Variants in HHLA2 observed in about 807,000 individuals in gnomAD.
HHLA2 encodes HERV-H LTR-associating protein 2.
A neutral mutation model predicts 45.9 loss-of-function variants in HHLA2; 48 were observed. That is an observed-to-expected ratio of 1.05 (90% confidence interval 0.83 to 1.33). The LOEUF is 1.33. Ranked by LOEUF, HHLA2 falls within the 40% of genes most tolerant of loss-of-function variation. The pLI is 0.00. For missense variants in HHLA2, 462 were observed against 494.3 expected (o/e 0.93, Z 0.62); for synonymous variants, 161 against 173.9 (o/e 0.93, Z 0.59).
In HHLA2 at chr3:108,319,400, T is replaced by C. The variant is rs78472174; in HGVS notation, c.-105+8659T>C. On this transcript the variant is annotated intron_variant, in intron 2 of 10. Transcript: ENST00000619531. ...CTTTTCAAGTGTTAGAACTTTATTA[T>C]GATCTTAAGCTTCTTCTTGCCTTCT... is the stretch of plus-strand genomic sequence containing the variant. 2.3e-3 allele frequency among the ~76,000 whole-genome samples: 344 copies of C among 152,350 alleles called. 2 individuals are homozygous for C. Among genetic ancestry groups the C allele is most frequent in the African/African-American group, 8.0e-3 (331 of 41,574 alleles).
At chr3:108,351,737 C>A in intron 3 of HHLA2, 51 bp from the exon 3 acceptor site, 1 of 1,131,252 alleles carries the variant, frequency 8.8e-7, no homozygotes, top group Non-Finnish European at 1.3e-6. Context: ...TTTTCCAATT[C>A]CCTTTTGCAT....
At chr3:108,362,356 A>T in exon 8 of HHLA2, 1 of 1,611,744 alleles carries the variant, frequency 6.2e-7, no homozygotes, top group Non-Finnish European at 8.5e-7. Flanking sequence ...GAGCCAAGAA[A>T]CAGCTTCCCA....
At chr3:108,339,317 G>T (rs2081526185) in intron 3 of HHLA2, among the ~76,000 whole-genome samples, 1 of 152,124 alleles carries the variant, frequency 6.6e-6, no homozygotes, top group African/African-American at 2.4e-5. Context: ...GTTCTCAGGG[G>T]AATCACCCTG....
At chr3:108,348,822 C>T (rs1412627013) in intron 3 of HHLA2, among the ~76,000 whole-genome samples, 1 of 151,636 alleles carries the variant, frequency 6.6e-6, no homozygotes, top group Non-Finnish European at 1.5e-5. Context: ...TGACAGGCCC[C>T]GGTGTGTGAT....
intron 2 of HHLA2, among the ~76,000 whole-genome samples, chr3:108,322,723 A>G (rs2081225233): frequency 6.6e-6 from 1 of 152,174 alleles, no homozygotes; most frequent in Non-Finnish European, 1.5e-5. Flanking sequence ...AAGTTCCATG[A>G]TGTAATACAA....
At chr3:108,367,631 A>G (rs140823562) in intron 8 of HHLA2, among the ~76,000 whole-genome samples, 3 of 152,160 alleles carry the variant, frequency 2.0e-5, no homozygotes, top group Non-Finnish European at 4.4e-5. Context: ...ACTTACTGAA[A>G]TAAGGTGTGA....
At chr3:108,366,456 C>T (rs901887577) in intron 8 of HHLA2, among the ~76,000 whole-genome samples, 4 of 152,146 alleles carry the variant, frequency 2.6e-5, no homozygotes, top group Admixed American at 2.6e-4. Flanking sequence ...TATTGTATCT[C>T]TGTCAGGTTT....
chr3:108,299,651 T>G (rs1212330870), intron 1 of HHLA2, among the ~76,000 whole-genome samples: 1 of 151,884 alleles, frequency 6.6e-6, no homozygotes, highest in East Asian at 1.9e-4. Flanking sequence ...CTTCCTAGAG[T>G]TTTAGATTTG....
At chr3:108,350,404 T>G (rs1397765255) in intron 3 of HHLA2, among the ~76,000 whole-genome samples, 1 of 152,184 alleles carries the variant, frequency 6.6e-6, no homozygotes, top group East Asian at 1.9e-4. Context: ...TTCAATAACT[T>G]TCTTATAGTC....
intron 8 of HHLA2, among the ~76,000 whole-genome samples, chr3:108,371,589 T>G (rs1163962750): frequency 6.6e-6 from 1 of 152,164 alleles, no homozygotes; most frequent in Non-Finnish European, 1.5e-5. Flanking sequence ...CTATCTCACG[T>G]GCAGAGACAC....
intron 3 of HHLA2, among the ~76,000 whole-genome samples, chr3:108,333,298 C>T (rs2081418305): frequency 1.3e-5 from 2 of 152,146 alleles, no homozygotes; most frequent in South Asian, 4.2e-4. Context: ...CATGTCATAA[C>T]CTTAATTCTC....
chr3:108,351,709 T>G (rs9846218), intron 3 of HHLA2, 79 bp from the exon 3 acceptor site: 2 of 768,642 alleles, frequency 2.6e-6, no homozygotes, highest in East Asian at 5.6e-5. Flanking sequence ...AACAATTATT[T>G]GTATGAATGT....
intron 1 of HHLA2, among the ~76,000 whole-genome samples, chr3:108,306,131 C>T (rs929168694): frequency 1.3e-5 from 2 of 152,190 alleles, no homozygotes; most frequent in South Asian, 2.1e-4. Context: ...GCAAGCCTGA[C>T]GTTCCTTTCA....
chr3:108,324,165 T>A (rs2081249072), intron 2 of HHLA2, among the ~76,000 whole-genome samples: 1 of 152,206 alleles, frequency 6.6e-6, no homozygotes, highest in African/African-American at 2.4e-5. Context: ...AGCATACAGA[T>A]AAAAATTAGC....
At chr3:108,320,880 G>A (rs762254620) in intron 2 of HHLA2, among the ~76,000 whole-genome samples, 1 of 152,072 alleles carries the variant, frequency 6.6e-6, no homozygotes, top group African/African-American at 2.4e-5. Context: ...ATCAGTGGGA[G>A]TGGCATGAAT....
At chr3:108,315,269 T>C (rs920137817) in intron 2 of HHLA2, among the ~76,000 whole-genome samples, 4 of 152,172 alleles carry the variant, frequency 2.6e-5, no homozygotes, top group African/African-American at 9.7e-5. Flanking sequence ...CTTGCAGCTT[T>C]GGAGACAAGA....
intron 6 of HHLA2, among the ~76,000 whole-genome samples, chr3:108,355,747 G>C (rs1205758312): frequency 6.6e-6 from 1 of 152,146 alleles, no homozygotes; most frequent in African/African-American, 2.4e-5. Flanking sequence ...CTCTTTAAAA[G>C]ATCAAAGGAG....
At chr3:108,374,421 A>C (rs1252317960) in intron 8 of HHLA2, among the ~76,000 whole-genome samples, 1 of 150,168 alleles carries the variant, frequency 6.7e-6, no homozygotes, top group Non-Finnish European at 1.5e-5. Context: ...AGGCATGGGC[A>C]AGGACTTCAT....
chr3:108,317,373 G>A (rs1436567996), intron 2 of HHLA2, among the ~76,000 whole-genome samples: 1 of 152,166 alleles, frequency 6.6e-6, no homozygotes, highest in African/African-American at 2.4e-5. Context: ...GCTGATTAAA[G>A]ATGGCTATGT....
Sources: gnomAD v4.1 joint callset for allele counts (sites outside exome capture counted in the v4.1 genomes callset) on GRCh38, gnomAD v4.1.1 for gene constraint, MANE v1.5 for transcripts, NCBI Gene and HGNC (gene_info 2026-07-23, HGNC 2026-07-21) for gene names.